The following CADPS2 variants were observed in gnomAD, a reference collection of about 807,000 sequenced individuals.
CADPS2 encodes calcium-dependent secretion activator 2.
A neutral mutation model predicts 172.5 loss-of-function variants in CADPS2; 93 were observed. That is an observed-to-expected ratio of 0.54 (90% CI 0.46 to 0.64). The LOEUF (loss-of-function observed/expected upper bound fraction) is 0.64. Ranked by LOEUF, CADPS2 falls within the 30% of genes least tolerant of loss-of-function variation. The pLI is 0.00. For missense variants in CADPS2, 1,420 were observed against 1,565.9 expected, an observed-to-expected ratio of 0.91 and a Z score of 1.57; for synonymous variants, 546 against 555.2, an observed-to-expected ratio of 0.98 and a Z score of 0.23.
intron 22 of CADPS2, among the ~76,000 whole-genome samples, chr7:122,392,794 AG>A (rs1037927306): frequency 6.6e-6 from 1 of 152,184 alleles, no homozygotes; most frequent in African/African-American, 2.4e-5. Flanking sequence ...ATTCTTCCAA[AG>A]GTTTTCTACT....
intron 8 of CADPS2, among the ~76,000 whole-genome samples, chr7:122,529,057 G>A (rs560532340): frequency 3.3e-5 from 5 of 151,882 alleles, no homozygotes; most frequent in Admixed American, 6.6e-5. Context: ...GAATGTTTGC[G>A]CCATCTACTG....
At chr7:122,373,251 T>C (rs1226418658) in intron 25 of CADPS2, among the ~76,000 whole-genome samples, 2 of 152,162 alleles carry the variant, frequency 1.3e-5, no homozygotes, top group African/African-American at 2.4e-5. Flanking sequence ...GAGCAGTGTT[T>C]CTCAAAGTCT....
At chr7:122,753,253 C>T (rs1465621297) in intron 1 of CADPS2, among the ~76,000 whole-genome samples, 1 of 152,186 alleles carries the variant, frequency 6.6e-6, no homozygotes, top group Non-Finnish European at 1.5e-5. Flanking sequence ...ACATGGAGCA[C>T]AGAAATTCAT....
At chr7:122,467,728 C>T (rs746195102) in intron 14 of CADPS2, among the ~76,000 whole-genome samples, 2 of 152,142 alleles carry the variant, frequency 1.3e-5, no homozygotes, top group Admixed American at 6.6e-5. Context: ...GTTGCTGCTT[C>T]AGTTTCTCCA....
chr7:122,319,349 C>T lies in CADPS2; in HGVS notation c.*816G>A, dbSNP rs909535677. ...TTGGGATGTTTGAAACACTGCAAAC[C>T]TCTTTTACTGCATTTGCTCTATATA... On this transcript the variant is annotated 3_prime_UTR_variant, in exon 30 of 30. Coordinates refer to ENST00000449022, the MANE Select transcript of CADPS2 (RefSeq NM_017954.11). 1 of 152,050 alleles carries T rather than the reference C, an allele frequency of 6.6e-6. No individual in the cohort carries two copies. The highest frequency in any genetic ancestry group is 1.5e-5 in the Non-Finnish European group (1 of 68,004). 9.4% of individuals were successfully genotyped at this position (152,050 alleles called of 1,614,324 possible). A position where few individuals can be genotyped will look rare whatever the true frequency, so the allele number is the denominator to read the frequency against.
At chr7:122,471,336 A>G in intron 14 of CADPS2, 39 bp downstream of exon 14, 2 of 1,560,936 alleles carry the variant, frequency 1.3e-6, no homozygotes, top group Non-Finnish European at 1.7e-6. Flanking sequence ...TCCATAGTCA[A>G]CCCCATACAT....
intron 8 of CADPS2, among the ~76,000 whole-genome samples, chr7:122,515,489 A>G (rs2060291061): frequency 6.6e-6 from 1 of 152,098 alleles, no homozygotes; most frequent in African/African-American, 2.4e-5. Flanking sequence ...TGGACATGAC[A>G]GGTGCCTTTT....
chr7:122,610,943 A>G (rs1036787506), intron 6 of CADPS2, among the ~76,000 whole-genome samples: 1 of 152,160 alleles, frequency 6.6e-6, no homozygotes, highest in African/African-American at 2.4e-5. Context: ...TATTCCCTGC[A>G]GCTAAGAATC....
At position 122,479,141 on chromosome 7, in the gene CADPS2, G is replaced by T. The variant is rs529971237; in HGVS notation, c.1861+1711C>A. ...TCTGGTGTCTGGGAGTGGGACTCTA[G>T]TATCAAAAGGACTAAAAGGGTGCTG... On this transcript the variant is annotated intron_variant, in intron 12 of 29. Transcript: ENST00000449022. Among the ~76,000 whole-genome samples the T allele has an allele frequency of 5.3e-5, 8 of 152,206 alleles. No homozygotes were observed. In the East Asian group the frequency reaches 1.5e-3, roughly 29 times the overall value.
intron 1 of CADPS2, among the ~76,000 whole-genome samples, chr7:122,762,459 T>G (rs971605176): frequency 6.6e-6 from 1 of 152,106 alleles, no homozygotes; most frequent in Admixed American, 6.6e-5. Context: ...AATACAAAGA[T>G]GAAGAATTAG....
At chr7:122,471,227 C>T (rs1487354504) in intron 14 of CADPS2, 148 bp downstream of exon 14, 1 of 671,614 alleles carries the variant, frequency 1.5e-6, no homozygotes, top group Non-Finnish European at 2.3e-6. Context: ...TTGATGCACA[C>T]TTTTTTCTCT....
intron 1 of CADPS2, among the ~76,000 whole-genome samples, chr7:122,853,831 G>C (rs972318491): frequency 2.0e-5 from 3 of 152,142 alleles, no homozygotes; most frequent in Non-Finnish European, 4.4e-5. Flanking sequence ...GTGGGGAAGG[G>C]AGCAGGAGAA....
chr7:122,373,189 T>A (rs536577456), intron 25 of CADPS2, among the ~76,000 whole-genome samples: 16 of 152,254 alleles, frequency 1.1e-4, no homozygotes, highest in African/African-American at 3.9e-4. Flanking sequence ...ATTTTTTTTT[T>A]AATATCCTGA....
intron 2 of CADPS2, among the ~76,000 whole-genome samples, chr7:122,665,582 A>G (rs2135430783): frequency 6.6e-6 from 1 of 152,326 alleles, no homozygotes; most frequent in East Asian, 1.9e-4. Flanking sequence ...GTTGGGCAAA[A>G]TCATCTAATG....
intron 24 of CADPS2, among the ~76,000 whole-genome samples, chr7:122,383,057 A>G (rs761597934): frequency 6.6e-6 from 1 of 152,190 alleles, no homozygotes; most frequent in South Asian, 2.1e-4. Flanking sequence ...TGCTATTCAC[A>G]GTAGCAAAGA....
chr7:122,418,807 C>T (rs1445316356), intron 17 of CADPS2, among the ~76,000 whole-genome samples: 1 of 152,080 alleles, frequency 6.6e-6, no homozygotes, highest in Non-Finnish European at 1.5e-5. Flanking sequence ...CTTCAATGGA[C>T]CATCCCATAT....
chr7:122,756,744 C>G (rs1372095941), intron 1 of CADPS2, among the ~76,000 whole-genome samples: 1 of 152,006 alleles, frequency 6.6e-6, no homozygotes, highest in African/African-American at 2.4e-5. Context: ...ACTAAAAATA[C>G]AAAAAGTTAG....
intron 27 of CADPS2, among the ~76,000 whole-genome samples, chr7:122,359,682 C>G (rs766093194): frequency 2.6e-5 from 4 of 152,154 alleles, no homozygotes; most frequent in Non-Finnish European, 2.9e-5. Flanking sequence ...CTTTGTGGGG[C>G]TCTACATATG....
intron 1 of CADPS2, among the ~76,000 whole-genome samples, chr7:122,757,027 A>C (rs1477221747): frequency 6.6e-6 from 1 of 152,190 alleles, no homozygotes; most frequent in African/African-American, 2.4e-5. Flanking sequence ...TGACAATGAT[A>C]AGTGTGAGTG....
Sources: gnomAD v4.1 joint callset for allele counts (sites outside exome capture counted in the v4.1 genomes callset) on GRCh38, gnomAD v4.1.1 for gene constraint, MANE v1.5 for transcripts, NCBI Gene and HGNC (gene_info 2026-07-23, HGNC 2026-07-21) for gene names.